The following STS variants were observed in gnomAD, a reference collection of about 807,000 sequenced individuals.
STS encodes steryl-sulfatase.
STS carries 7 observed loss-of-function variants against 26.8 expected under a neutral mutation model. That is an observed-to-expected ratio of 0.26 (90% CI 0.15 to 0.49). The LOEUF (loss-of-function observed/expected upper bound fraction) is 0.49. Ranked by LOEUF, STS falls within the 20% of genes least tolerant of loss-of-function variation. The pLI is 0.98. For synonymous variants in STS, 199 were observed against 189.4 expected (o/e 1.05, Z -0.42); for missense variants, 434 against 465.6 (o/e 0.93, Z 0.63).
intron 1 of STS, among the ~76,000 whole-genome samples, chrX:7,184,751 A>G (rs1601635701): frequency 8.9e-6 from 1 of 111,924 alleles, no homozygotes; most frequent in African/African-American, 3.2e-5. Context: ...CAATAATCAA[A>G]CACATTAATA....
chrX:7,260,866 G>GAGT (rs1923709435), intron 6 of STS, among the ~76,000 whole-genome samples: 1 of 112,064 alleles, frequency 8.9e-6, no homozygotes, highest in African/African-American at 3.2e-5. Flanking sequence ...AAACCTCTGT[G>GAGT]AGTAAACTGG....
Position 7,149,165 on chromosome X carries a change from T to G in STS, c.-134+1082T>G, listed in dbSNP as rs375227917. Reference sequence around the variant, plus strand: ...TACTTAGGGAGGCAGAAGTGGGAGTTGGGGGAATAGTTTGAGCCCAGAAGT... The same window carrying G: ...TACTTAGGGAGGCAGAAGTGGGAGTGGGGGGAATAGTTTGAGCCCAGAAGT... On this transcript the variant is annotated intron_variant, in intron 1 of 10. Coordinates refer to ENST00000674429, the MANE Select transcript of STS (RefSeq NM_001320752.2). Among the ~76,000 whole-genome samples the G allele has an allele frequency of 7.3e-5, 8 of 109,719 alleles. No homozygotes were observed. The East Asian group carries it at 2.0e-3, about 28-fold the overall frequency.
intron 10 of STS, among the ~76,000 whole-genome samples, chrX:7,335,637 C>T: frequency 8.9e-6 from 1 of 112,039 alleles, no homozygotes; most frequent in East Asian, 2.8e-4. Flanking sequence ...TCAATTTTGT[C>T]TTTTGTTGCC....
At chrX:7,325,758 G>A (rs1246744792) in intron 9 of STS, among the ~76,000 whole-genome samples, 2 of 112,247 alleles carry the variant, frequency 1.8e-5, no homozygotes, top group Non-Finnish European at 3.8e-5. Context: ...AGCAAAGTAT[G>A]GGCAGTGTGT....
intron 1 of STS, among the ~76,000 whole-genome samples, chrX:7,182,914 G>A (rs1297496926): frequency 9.0e-6 from 1 of 111,017 alleles, no homozygotes; most frequent in African/African-American, 3.3e-5. Flanking sequence ...TAGAGTTATG[G>A]TGGATGTAAT....
intron 2 of STS, among the ~76,000 whole-genome samples, chrX:7,225,947 A>G (rs955412022): frequency 1.8e-5 from 2 of 112,315 alleles, no homozygotes; most frequent in Non-Finnish European, 3.8e-5. Context: ...CATTTTATAG[A>G]TAAGAAAGCC....
At chrX:7,256,691 A>G (rs1923425188) in intron 3 of STS, among the ~76,000 whole-genome samples, 1 of 111,553 alleles carries the variant, frequency 9.0e-6, no homozygotes, top group African/African-American at 3.3e-5. Context: ...TCCTATTTCA[A>G]AGACTTGGTT....
chrX:7,280,562 T>A (rs1399704561), intron 7 of STS, among the ~76,000 whole-genome samples: 1 of 112,169 alleles, frequency 8.9e-6, no homozygotes, highest in Non-Finnish European at 1.9e-5. Context: ...TGGAGGCGTG[T>A]CATTCTGGCT....
intron 6 of STS, among the ~76,000 whole-genome samples, chrX:7,267,554 G>T (rs1343522296): frequency 8.9e-6 from 1 of 112,096 alleles, no homozygotes. Context: ...AGATATGTTG[G>T]CCTCTTCTCT....
At position 7,217,571 on chromosome X, in the gene STS, A is replaced by T. The variant is rs777164958; in HGVS notation, c.-5+26563A>T. Among the ~76,000 whole-genome samples, 7 of 111,728 alleles carry T rather than the reference A, an allele frequency of 6.3e-5. No homozygotes were observed. The South Asian group carries it at 2.6e-3, about 42-fold the overall frequency. Reference sequence around the variant, plus strand: ...TATTAAAATTGCTCGGGCGTATGAGAGCCAGTTCTAGTCCCAATAGTATGC... The same window carrying T: ...TATTAAAATTGCTCGGGCGTATGAGTGCCAGTTCTAGTCCCAATAGTATGC... On this transcript the variant is annotated intron_variant, in intron 2 of 10. Transcript: ENST00000674429.
chrX:7,180,890 A>G (rs1274645392), intron 1 of STS, among the ~76,000 whole-genome samples: 2 of 112,509 alleles, frequency 1.8e-5, no homozygotes, highest in East Asian at 2.8e-4. Flanking sequence ...AACTGTCCTC[A>G]TAAGTCAGAC....
At chrX:7,214,971 T>TAC (rs1491294127) in intron 2 of STS, among the ~76,000 whole-genome samples, 6 of 68,989 alleles carry the variant, frequency 8.7e-5, no homozygotes, top group Admixed American at 7.6e-4. Context: ...ATATTATATA[T>TAC]GTATATATAC....
intron 1 of STS, among the ~76,000 whole-genome samples, chrX:7,153,587 A>C (rs1166782713): frequency 7.7e-3 from 219 of 28,268 alleles, no homozygotes; most frequent in Admixed American, 0.015. Context: ...TGACTCCCTC[A>C]CTCTCTGCTT....
chrX:7,281,266 A>C (rs2147113318), intron 7 of STS, among the ~76,000 whole-genome samples: 1 of 112,117 alleles, frequency 8.9e-6, no homozygotes, highest in African/African-American at 3.2e-5. Context: ...CTTTCAAACA[A>C]GAATGGCAAG....
chrX:7,330,145 T>C (rs1301943966), intron 9 of STS, among the ~76,000 whole-genome samples: 1 of 111,720 alleles, frequency 9.0e-6, no homozygotes, highest in Non-Finnish European at 1.9e-5. Context: ...AATAAGCTGA[T>C]TTTGGAAATA....
chrX:7,203,291 G>A (rs184947608), intron 2 of STS, among the ~76,000 whole-genome samples: 1 of 111,998 alleles, frequency 8.9e-6, no homozygotes, highest in East Asian at 2.8e-4. Flanking sequence ...CTCTGCAACA[G>A]GTATTTATTA....
At chrX:7,297,290 C>G (rs1486125266) in intron 7 of STS, among the ~76,000 whole-genome samples, 1 of 107,782 alleles carries the variant, frequency 9.3e-6, no homozygotes, top group East Asian at 2.9e-4. Context: ...TCTCAGATCC[C>G]CACTCTAGGT....
intron 2 of STS, among the ~76,000 whole-genome samples, chrX:7,252,043 A>G (rs1174314045): frequency 1.8e-5 from 2 of 111,468 alleles, no homozygotes; most frequent in Non-Finnish European, 3.8e-5. Context: ...TAAGAAAACT[A>G]AGATTCAGAG....
intron 8 of STS, among the ~76,000 whole-genome samples, chrX:7,319,057 A>G (rs1926842518): frequency 8.9e-6 from 1 of 111,802 alleles, no homozygotes; most frequent in Non-Finnish European, 1.9e-5. Context: ...GAGTTCTGGG[A>G]TATTAGCAAA....
Sources: gnomAD v4.1 joint callset for allele counts (sites outside exome capture counted in the v4.1 genomes callset) on GRCh38, gnomAD v4.1.1 for gene constraint, MANE v1.5 for transcripts, NCBI Gene and HGNC (gene_info 2026-07-23, HGNC 2026-07-21) for gene names.